Variants in PABPC4L observed in about 807,000 individuals in gnomAD.
The protein encoded by PABPC4L is polyadenylate-binding protein 4-like.
For missense variants in PABPC4L, 452 were observed against 451.4 expected, an observed-to-expected ratio of 1.00 and a Z score of -0.01; for synonymous variants, 169 against 164.1, an observed-to-expected ratio of 1.03 and a Z score of -0.23.
chr4:134,041,201 T>C, the PABPC4L span, among the ~76,000 whole-genome samples: 1 of 152,120 alleles, frequency 6.6e-6, no homozygotes, highest in South Asian at 2.1e-4. Context: ...AAATAGCATT[T>C]GACTCAGCAA....
the PABPC4L span, among the ~76,000 whole-genome samples, chr4:134,029,389 C>T: frequency 1.3e-5 from 2 of 151,960 alleles, no homozygotes; most frequent in Non-Finnish European, 2.9e-5. Context: ...TACTGGAAAC[C>T]CCTAAGCCTG....
the PABPC4L span, among the ~76,000 whole-genome samples, chr4:134,180,005 A>G: frequency 1.2e-4 from 18 of 152,202 alleles, no homozygotes; most frequent in East Asian, 3.5e-3. Flanking sequence ...GAAAACTAAC[A>G]AAGGTATTTG....
the PABPC4L span, among the ~76,000 whole-genome samples, chr4:134,028,475 G>A: frequency 6.7e-6 from 1 of 149,534 alleles, no homozygotes. Context: ...GCTTTTCCCA[G>A]TAACCTATAT....
At chr4:134,005,873 G>A in the PABPC4L span, among the ~76,000 whole-genome samples, 5 of 151,530 alleles carry the variant, frequency 3.3e-5, no homozygotes, top group African/African-American at 1.2e-4. Flanking sequence ...CAAACGACAG[G>A]GAACAGAGAT....
At chr4:134,024,471 G>A in the PABPC4L span, among the ~76,000 whole-genome samples, 1 of 152,236 alleles carries the variant, frequency 6.6e-6, no homozygotes, top group East Asian at 1.9e-4. Context: ...TTCTTGCTTT[G>A]TTTTCACATG....
chr4:134,008,486 G>A, the PABPC4L span, among the ~76,000 whole-genome samples: 2 of 151,340 alleles, frequency 1.3e-5, no homozygotes, highest in African/African-American at 4.8e-5. Context: ...AACTCAGAAG[G>A]TAAAACATGA....
At chr4:134,008,073 G>C in the PABPC4L span, among the ~76,000 whole-genome samples, 1 of 151,654 alleles carries the variant, frequency 6.6e-6, no homozygotes, top group African/African-American at 2.4e-5. Flanking sequence ...AGATCATCTA[G>C]TTTGCTATGT....
At chr4:134,195,057 G>A (rs957865071), downstream of PABPC4L, among the ~76,000 whole-genome samples, 1 of 151,660 alleles carries the variant, frequency 6.6e-6, no homozygotes, top group Non-Finnish European at 1.5e-5. Context: ...CAATATAAAT[G>A]TCATTTGTAT....
At chr4:134,169,664 G>GA in the PABPC4L span, among the ~76,000 whole-genome samples, 35 of 149,780 alleles carry the variant, frequency 2.3e-4, no homozygotes, top group Middle Eastern at 3.4e-3. Context: ...ATCTGAAAAA[G>GA]AAAAAAAAAT....
At chr4:134,132,509 G>C in the PABPC4L span, among the ~76,000 whole-genome samples, 1 of 151,732 alleles carries the variant, frequency 6.6e-6, no homozygotes, top group East Asian at 1.9e-4. Context: ...AAACCATAAT[G>C]CAATACCACC....
chr4:133,972,578 T>G, the PABPC4L span, among the ~76,000 whole-genome samples: 1 of 152,116 alleles, frequency 6.6e-6, no homozygotes, highest in Non-Finnish European at 1.5e-5. Flanking sequence ...GCAGACATAA[T>G]AAGATGTTTC....
the PABPC4L span, among the ~76,000 whole-genome samples, chr4:134,018,141 G>T: frequency 6.6e-6 from 1 of 151,912 alleles, no homozygotes; most frequent in East Asian, 1.9e-4. Flanking sequence ...TCCTTCTCCT[G>T]GCTCATCCTG....
chr4:134,166,204 A>G, the PABPC4L span, among the ~76,000 whole-genome samples: 10 of 152,148 alleles, frequency 6.6e-5, no homozygotes. Context: ...TGATGGCTGC[A>G]CTAAAACTTC....
chr4:134,107,404 G>GA, the PABPC4L span, among the ~76,000 whole-genome samples: 1 of 151,424 alleles, frequency 6.6e-6, no homozygotes, highest in Non-Finnish European at 1.5e-5. Flanking sequence ...CATAGTTAAT[G>GA]AAATATCACT....
the PABPC4L span, among the ~76,000 whole-genome samples, chr4:134,009,908 T>C: frequency 6.6e-6 from 1 of 152,094 alleles, no homozygotes; most frequent in Non-Finnish European, 1.5e-5. Flanking sequence ...TTGATCTTAA[T>C]TCTTTTTAGT....
chr4:134,073,670 G>T, the PABPC4L span, among the ~76,000 whole-genome samples: 1 of 152,182 alleles, frequency 6.6e-6, no homozygotes, highest in Admixed American at 6.6e-5. Flanking sequence ...CTTTGCTCCT[G>T]CAACAGACTT....
chr4:134,089,082 TGTA>T, the PABPC4L span, among the ~76,000 whole-genome samples: 1 of 152,124 alleles, frequency 6.6e-6, no homozygotes, highest in African/African-American at 2.4e-5. Context: ...AACTAAATGT[TGTA>T]GTAACAAAGA....
chr4:134,170,744 G>T, the PABPC4L span, among the ~76,000 whole-genome samples: 1 of 152,164 alleles, frequency 6.6e-6, no homozygotes, highest in South Asian at 2.1e-4. Flanking sequence ...ACCTCCCACC[G>T]GGTCCCACCT....
the PABPC4L span, among the ~76,000 whole-genome samples, chr4:134,059,052 C>T: frequency 2.0e-4 from 31 of 151,900 alleles, no homozygotes; most frequent in African/African-American, 7.0e-4. Flanking sequence ...AGGGGGTAAA[C>T]GGTAAGGCTG....
Sources: gnomAD v4.1 joint callset for allele counts (sites outside exome capture counted in the v4.1 genomes callset) on GRCh38, gnomAD v4.1.1 for gene constraint, MANE v1.5 for transcripts, NCBI Gene and HGNC (gene_info 2026-07-23, HGNC 2026-07-21) for gene names.